ASB4: variants seen among roughly 807,000 people sequenced by gnomAD.
ASB4 encodes ankyrin repeat and SOCS box containing 4.
In ASB4, 35 loss-of-function variants were observed where a neutral mutation model predicts 38.6. The observed-to-expected ratio is 0.91, with a 90% CI of 0.69 to 1.20. The LOEUF (loss-of-function observed/expected upper bound fraction) is 1.20. Among genes scored for constraint, ASB4 ranks in the 50% most tolerant of loss-of-function variants. The probability of loss-of-function intolerance (pLI) is 0.00; values close to 1 mark genes in which losing one functional copy is unlikely to be tolerated. For missense variants in ASB4, 557 were observed against 527.2 expected, an observed-to-expected ratio of 1.06 and a Z score of -0.55; for synonymous variants, 195 against 201.3, an observed-to-expected ratio of 0.97 and a Z score of 0.26.
intron 1 of ASB4, among the ~76,000 whole-genome samples, chr7:95,486,464 G>A (rs1370840738): frequency 6.6e-6 from 1 of 152,094 alleles, no homozygotes; most frequent in Non-Finnish European, 1.5e-5. Flanking sequence ...TGATATAGAA[G>A]GAAGAAAACA....
intron 1 of ASB4, among the ~76,000 whole-genome samples, chr7:95,490,764 C>G (rs1015341507): frequency 4.6e-5 from 7 of 152,376 alleles, no homozygotes; most frequent in Middle Eastern, 3.4e-3. Flanking sequence ...GCTTTCTACC[C>G]AGCTATTGGG....
intron 3 of ASB4, among the ~76,000 whole-genome samples, chr7:95,535,044 ACACT>A (rs966612861): frequency 1.2e-4 from 18 of 152,128 alleles, no homozygotes; most frequent in East Asian, 1.9e-4. Context: ...ACACACAGAC[ACACT>A]CACTCACACA....
At chr7:95,489,039 C>T (rs1458136860) in intron 1 of ASB4, among the ~76,000 whole-genome samples, 1 of 152,160 alleles carries the variant, frequency 6.6e-6, no homozygotes, top group Non-Finnish European at 1.5e-5. Context: ...TTAGAACATA[C>T]AGCATTTTTA....
chr7:95,520,163 G>T (rs6975716), intron 2 of ASB4, among the ~76,000 whole-genome samples: 36,800 of 152,090 alleles, frequency 0.24, 4,478 homozygotes, highest in Middle Eastern at 0.35. Context: ...TTTGAATTCT[G>T]AATTTTGAAA....
intron 2 of ASB4, among the ~76,000 whole-genome samples, chr7:95,511,871 T>A (rs866545625): frequency 1.3e-5 from 2 of 152,290 alleles, no homozygotes; most frequent in African/African-American, 4.8e-5. Context: ...TCTCGTTTTG[T>A]CCACTAGGTG....
intron 1 of ASB4, among the ~76,000 whole-genome samples, chr7:95,487,420 GT>G: frequency 6.6e-6 from 1 of 152,288 alleles, no homozygotes; most frequent in South Asian, 2.1e-4. Context: ...TTTTTAAGAT[GT>G]TTTTAAAAAG....
At chr7:95,515,293 C>A (rs970919121) in intron 2 of ASB4, among the ~76,000 whole-genome samples, 1 of 118,170 alleles carries the variant, frequency 8.5e-6, no homozygotes, top group East Asian at 2.5e-4. Context: ...TTCTTTCTTT[C>A]TTTCTTTCTT....
At chr7:95,480,108 C>T (rs1732600817) in intron 1 of ASB4, among the ~76,000 whole-genome samples, 1 of 152,162 alleles carries the variant, frequency 6.6e-6, no homozygotes, top group Non-Finnish European at 1.5e-5. Flanking sequence ...GGAGACTTTT[C>T]TTACTTGTTG....
At chr7:95,549,832 A>C in the ASB4 span, among the ~76,000 whole-genome samples, 1 of 152,146 alleles carries the variant, frequency 6.6e-6, no homozygotes, top group African/African-American at 2.4e-5. Context: ...TGTCAGGCCA[A>C]GCTGACTAAT....
upstream of ASB4, among the ~76,000 whole-genome samples, chr7:95,482,743 C>T (rs1224007187): frequency 6.6e-6 from 1 of 152,044 alleles, no homozygotes; most frequent in Non-Finnish European, 1.5e-5. Flanking sequence ...CCAACTGGAC[C>T]CTTGTAGCTA....
intron 2 of ASB4, 97 bp downstream of exon 2, chr7:95,496,154 T>A: frequency 8.3e-7 from 1 of 1,198,074 alleles, no homozygotes; most frequent in Non-Finnish European, 1.2e-6. Context: ...GTAGTAAGCA[T>A]AAAGATGCAA....
At chr7:95,551,177 T>G in the ASB4 span, among the ~76,000 whole-genome samples, 1 of 152,032 alleles carries the variant, frequency 6.6e-6, no homozygotes, top group African/African-American at 2.4e-5. Context: ...CACACGGTTT[T>G]GCCTTATTGG....
At chr7:95,496,374 A>G (rs1790248490) in intron 2 of ASB4, among the ~76,000 whole-genome samples, 1 of 152,218 alleles carries the variant, frequency 6.6e-6, no homozygotes, top group Admixed American at 6.5e-5. Context: ...CAAAGAAAGT[A>G]TATTCTAATA....
At position 95,507,373 on chromosome 7, in the gene ASB4, G is replaced by A. The variant is rs1790424819; in HGVS notation, c.487+11316G>A. Among the ~76,000 whole-genome samples the A allele has an allele frequency of 2.0e-5, 3 of 151,762 alleles. No homozygotes were observed. The South Asian group carries it at 6.2e-4, about 32-fold the overall frequency. On this transcript the variant is annotated intron_variant, in intron 2 of 4. Coordinates refer to ENST00000325885, the MANE Select transcript of ASB4 (RefSeq NM_016116.3). ...GCATATCTGCTATCTAGAATGCTCTGCTCCTCTTCTTTGCCGAGCAAACTT... is the reference window on the plus strand; with the variant it reads ...GCATATCTGCTATCTAGAATGCTCTACTCCTCTTCTTTGCCGAGCAAACTT...
intron 1 of ASB4, among the ~76,000 whole-genome samples, chr7:95,491,324 C>G (rs3779491): frequency 0.12 from 18,176 of 152,118 alleles, 1,820 homozygotes; most frequent in East Asian, 0.37. Context: ...CACACAGACT[C>G]TAGACATGGG....
In ASB4 at chr7:95,528,069, A is replaced by G. The variant is rs2116646050; in HGVS notation, c.744A>G (p.Arg248=). 1 of 1,614,174 alleles carries G rather than the reference A, an allele frequency of 6.2e-7. No homozygotes were observed. Among genetic ancestry groups the G allele is most frequent in the Non-Finnish European group, 8.5e-7 (1 of 1,180,036 alleles). The change falls in exon 3 of 5, where the codon CGA becomes CGG. Residue 248 remains arginine, a synonymous_variant. Transcript: ENST00000325885. The part of the protein sequence containing the change: ...LLDYKAEVNA[R]DDDFKSPLHK... ...ACTACAAAGCCGAAGTCAATGCCCGAGATGACGACTTTAAATCTCCCCTCC... is the reference window on the plus strand; with the variant it reads ...ACTACAAAGCCGAAGTCAATGCCCGGGATGACGACTTTAAATCTCCCCTCC...
At chr7:95,499,865 CTTTTTTT>C (rs61250820) in intron 2 of ASB4, among the ~76,000 whole-genome samples, 2 of 77,214 alleles carry the variant, frequency 2.6e-5, no homozygotes, top group Non-Finnish European at 4.6e-5. Flanking sequence ...GATACATCCT[CTTTTTTT>C]TTTTTTTTTT....
chr7:95,493,655 T>C (rs1790205966), intron 1 of ASB4, among the ~76,000 whole-genome samples: 1 of 152,124 alleles, frequency 6.6e-6, no homozygotes. Flanking sequence ...TACCTCCTTG[T>C]AACAAGAACA....
At position 95,520,919 on chromosome 7, in the gene ASB4, T is replaced by C. The variant is rs186414720; in HGVS notation, c.488-6894T>C. 2.6e-5 allele frequency among the ~76,000 whole-genome samples: 4 copies of C among 152,272 alleles called. No individual in the cohort carries two copies. In the East Asian group the frequency reaches 7.7e-4, roughly 29 times the overall value. Reference sequence around the variant, plus strand: ...TATTCACTGTCTTTTCTTTCCATCTTATTCTTTTTTAATTTTAAGAAAATT... The same window carrying C: ...TATTCACTGTCTTTTCTTTCCATCTCATTCTTTTTTAATTTTAAGAAAATT... On this transcript the variant is annotated intron_variant, in intron 2 of 4. Transcript: ENST00000325885.
Sources: allele counts gnomAD v4.1 joint callset (sites outside exome capture counted in the v4.1 genomes callset), GRCh38; gene constraint gnomAD v4.1.1; transcripts MANE v1.5; gene names NCBI Gene and HGNC (gene_info 2026-07-23, HGNC 2026-07-21).